The following APP variants were observed in gnomAD, a reference collection of about 807,000 sequenced individuals.
APP encodes the protein amyloid beta precursor protein.
In APP, 31 loss-of-function variants were observed where a neutral mutation model predicts 101.4. The observed-to-expected ratio is 0.31, with a 90% CI of 0.23 to 0.41. The LOEUF (loss-of-function observed/expected upper bound fraction) is 0.41, where lower values mean the gene tolerates loss of function less well. Among genes scored for constraint, APP ranks in the 10% least tolerant of loss-of-function variants. The probability of loss-of-function intolerance (pLI) is 1.00; values close to 1 mark genes in which losing one functional copy is unlikely to be tolerated. For missense variants in APP, 839 were observed against 1,003.7 expected, an observed-to-expected ratio of 0.84 and a Z score of 2.22; for synonymous variants, 366 against 364.4, an observed-to-expected ratio of 1.00 and a Z score of -0.05.
chr21:25,955,819 G>A (rs567911042), intron 11 of APP, 64 bp from the exon 12 acceptor site: 24 of 1,610,418 alleles, frequency 1.5e-5, no homozygotes, highest in African/African-American at 4.0e-5. Flanking sequence ...TTCCATTGGC[G>A]ATGGGTTAGA....
At chr21:25,925,818 C>T (rs180724700) in intron 13 of APP, among the ~76,000 whole-genome samples, 2 of 152,234 alleles carry the variant, frequency 1.3e-5, no homozygotes, top group Admixed American at 1.3e-4. Flanking sequence ...TGCCTGTAAT[C>T]CCCATTATTC....
At chr21:26,012,572 T>C (rs1024294990) in intron 6 of APP, among the ~76,000 whole-genome samples, 1 of 152,232 alleles carries the variant, frequency 6.6e-6, no homozygotes, top group Non-Finnish European at 1.5e-5. Flanking sequence ...ACTCTGCTTT[T>C]GGAAACTCAT....
intron 13 of APP, among the ~76,000 whole-genome samples, chr21:25,930,131 C>T (rs139035498): frequency 6.6e-6 from 1 of 152,254 alleles, no homozygotes; most frequent in Non-Finnish European, 1.5e-5. Flanking sequence ...AAGACTTGCC[C>T]ACAGCATTGC....
intron 9 of APP, among the ~76,000 whole-genome samples, chr21:25,978,724 C>T (rs973259211): frequency 3.3e-5 from 5 of 152,150 alleles, no homozygotes; most frequent in African/African-American, 9.7e-5. Flanking sequence ...GAGGCCCAGG[C>T]GGGTGGATCA....
At chr21:26,123,162 A>G (rs1424816280) in intron 1 of APP, among the ~76,000 whole-genome samples, 3 of 152,180 alleles carry the variant, frequency 2.0e-5, no homozygotes, top group Non-Finnish European at 2.9e-5. Flanking sequence ...ATTTTTGATA[A>G]GCACAAAGGA....
At chr21:26,076,858 T>C (rs2061506053) in intron 3 of APP, among the ~76,000 whole-genome samples, 1 of 151,846 alleles carries the variant, frequency 6.6e-6, no homozygotes. Context: ...GATCAGGAGA[T>C]GGAGACCATC....
rs60231150 is a variant in APP at position 25,900,378 on chromosome 21, C to CA, written c.1964-2706dup. ...TGAAACCCTGTCTCTACTAAAAATA[C>CA]AAAAAAAAAAAAAAAAAAAAAAAAA... On this transcript the variant is annotated intron_variant, in intron 15 of 17. Coordinates refer to ENST00000346798, the MANE Select transcript of APP (RefSeq NM_000484.4). Among the ~76,000 whole-genome samples, 64 of 59,452 alleles carry CA rather than the reference C, an allele frequency of 1.1e-3. 1 individual carries two copies. The highest frequency in any genetic ancestry group is 2.4e-3 in the South Asian group (3 of 1,226). 39.0% of individuals were successfully genotyped at this position (59,452 alleles called of 152,430 possible).
intron 6 of APP, among the ~76,000 whole-genome samples, chr21:26,013,271 C>T (rs1249064762): frequency 6.6e-6 from 1 of 152,142 alleles, no homozygotes; most frequent in African/African-American, 2.4e-5. Context: ...GAGCCGAGAT[C>T]GCGCCATTGC....
rs576712021 is a variant in APP, at chr21:26,053,303, T to C, written c.401A>G (p.Lys134Arg). The part of the protein sequence containing the change: ...SDALLVPDKC[K>R]FLHQERMDVC... ...ATCCATCCTCTCCTGGTGTAAGAAT[T>C]TGCACTTGTCAGGAACGAGAAGGGC... is the stretch of plus-strand genomic sequence containing the variant. Residue 134 changes from lysine (K) to arginine (R), a missense_variant, in exon 4 of 18, where the codon AAA becomes AGA. Coordinates refer to ENST00000346798, the MANE Select transcript of APP (RefSeq NM_000484.4). 8.1e-6 allele frequency: 13 copies of C among 1,613,882 alleles called. No homozygotes were observed. The African/African-American group carries it at 1.1e-4, about 13-fold the overall frequency.
rs2146296503 is a variant in APP at position 25,905,037 on chromosome 21, C to G, written c.1950G>C (p.Leu650=). ...CGGTTCTGATACCTGGTCGAGTGGTCAGTCCTCGGTCGGCAGCAGGGCGGG... is the reference window on the plus strand; with the variant it reads ...CGGTTCTGATACCTGGTCGAGTGGTGAGTCCTCGGTCGGCAGCAGGGCGGG... ...VDARPAADRG[L]TTRPGSGLTN... is the part of the protein sequence containing the mutation. The change falls in exon 15 of 18, where the codon CTG becomes CTC. Residue 650 remains leucine, a synonymous_variant. Transcript: ENST00000346798. 6.2e-7 allele frequency: 1 copy of G among 1,613,830 alleles called. No individual in the cohort carries two copies. The highest frequency in any genetic ancestry group is 8.5e-7 in the Non-Finnish European group (1 of 1,179,918).
intron 13 of APP, among the ~76,000 whole-genome samples, chr21:25,944,061 C>T (rs1256674721): frequency 6.6e-6 from 1 of 151,892 alleles, no homozygotes; most frequent in African/African-American, 2.4e-5. Context: ...AGCAAAGACA[C>T]AAAAGGCATG....
chr21:25,976,469 A>ATG (rs150367816), intron 9 of APP, among the ~76,000 whole-genome samples: 28 of 152,070 alleles, frequency 1.8e-4, no homozygotes, highest in Admixed American at 1.4e-3. Flanking sequence ...ATGACATTTT[A>ATG]TGTGTGTGTG....
chr21:26,166,927 G>GGTGTGTGT (rs10600074), intron 1 of APP, among the ~76,000 whole-genome samples: 80 of 148,630 alleles, frequency 5.4e-4, no homozygotes, highest in South Asian at 6.3e-4. Flanking sequence ...AGAGACAGAG[G>GGTGTGTGT]GTGTGTGTGT....
rs374348077 is a variant in APP at position 26,032,735 on chromosome 21, G to T, written c.663-10693C>A. On this transcript the variant is annotated intron_variant, in intron 5 of 17. Coordinates refer to ENST00000346798, the MANE Select transcript of APP (RefSeq NM_000484.4). ...TTTATTGCTATTAGGTTTTGAAAAT[G>T]GTATAAAAATATCATTTGTTTTTCA... Among the ~76,000 whole-genome samples the T allele has an allele frequency of 2.6e-5, 4 of 151,320 alleles. 1 individual carries two copies. In the East Asian group the frequency reaches 7.8e-4, roughly 29 times the overall value.
At chr21:26,107,079 C>A (rs1364878836) in intron 2 of APP, among the ~76,000 whole-genome samples, 2 of 152,188 alleles carry the variant, frequency 1.3e-5, no homozygotes, top group Non-Finnish European at 2.9e-5. Context: ...GATTCTACAG[C>A]ATGTTCCTCC....
chr21:25,972,452 C>A (rs2042067147), intron 11 of APP, among the ~76,000 whole-genome samples: 1 of 151,684 alleles, frequency 6.6e-6, no homozygotes, highest in African/African-American at 2.4e-5. Flanking sequence ...TTTTACCCAG[C>A]AAAAATATTT....
chr21:26,028,066 C>T (rs2044660309), intron 5 of APP, among the ~76,000 whole-genome samples: 1 of 151,498 alleles, frequency 6.6e-6, no homozygotes. Context: ...CGTGGGGGTG[C>T]ACGCCTGTAA....
Position 26,094,205 on chromosome 21 carries a change from T to G in APP, c.226-4133A>C, listed in dbSNP as rs186579492. 9.9e-5 allele frequency among the ~76,000 whole-genome samples: 15 copies of G among 152,260 alleles called. No homozygotes were observed. The East Asian group carries it at 2.9e-3, about 29-fold the overall frequency. On this transcript the variant is annotated intron_variant, in intron 2 of 17. Transcript: ENST00000346798. ...TAAAATGGAAGCAGTAAATTCAACC[T>G]GATTCAGTTACTTTTATTCAGAGAT... is the stretch of plus-strand genomic sequence containing the variant.
At chr21:26,170,404 A>C (rs2063720314) in intron 1 of APP, among the ~76,000 whole-genome samples, 160 bp downstream of exon 1, 1 of 152,146 alleles carries the variant, frequency 6.6e-6, no homozygotes, top group Non-Finnish European at 1.5e-5. Flanking sequence ...CTGGGCCGAA[A>C]GCGGGGATGC....
Sources: allele counts gnomAD v4.1 joint callset (sites outside exome capture counted in the v4.1 genomes callset), GRCh38; gene constraint gnomAD v4.1.1; transcripts MANE v1.5; gene names NCBI Gene and HGNC (gene_info 2026-07-23, HGNC 2026-07-21).